Variants in DOCK4 observed in about 807,000 individuals in gnomAD.
DOCK4 encodes the protein dedicator of cytokinesis protein 4.
Under a neutral mutation model 268.1 loss-of-function variants are expected in DOCK4, and 97 were observed. The observed-to-expected ratio is 0.36, with a 90% CI of 0.31 to 0.43. The LOEUF is 0.43. Among genes scored for constraint, DOCK4 ranks in the 20% least tolerant of loss-of-function variants. The probability of loss-of-function intolerance (pLI) is 1.00; values close to 1 mark genes in which losing one functional copy is unlikely to be tolerated. For missense variants in DOCK4, 2,145 were observed against 2,455.7 expected (o/e 0.87, Z 2.67); for synonymous variants, 954 against 887.2 (o/e 1.08, Z -1.34).
rs113921379 is a variant in DOCK4, at chr7:111,978,156, A to G, written c.550-873T>C. Among the ~76,000 whole-genome samples, 658 of 152,352 alleles carry G rather than the reference A, an allele frequency of 4.3e-3. 5 individuals carry two copies. Among genetic ancestry groups the G allele is most frequent in the African/African-American group, 0.015 (617 of 41,582 alleles). Reference sequence around the variant, plus strand: ...CACAGAGCATCTATCTACTAGGGGAAGCAGACATGAACAAAATTGTCACAC... The same window carrying G: ...CACAGAGCATCTATCTACTAGGGGAGGCAGACATGAACAAAATTGTCACAC... On this transcript the variant is annotated intron_variant, in intron 7 of 52. Coordinates refer to ENST00000428084, the MANE Select transcript of DOCK4 (RefSeq NM_001363540.2).
At chr7:111,756,550 A>C (rs200253707) in intron 41 of DOCK4, among the ~76,000 whole-genome samples, 4 of 147,112 alleles carry the variant, frequency 2.7e-5, no homozygotes, top group South Asian at 4.3e-4. Context: ...TTTTAGAGCC[A>C]GGGCTTCCTC....
intron 1 of DOCK4, among the ~76,000 whole-genome samples, chr7:112,145,708 T>C (rs17567022): frequency 1.3e-5 from 2 of 151,926 alleles, no homozygotes; most frequent in Non-Finnish European, 2.9e-5. Context: ...TAGACATACA[T>C]GCACATGAGG....
intron 1 of DOCK4, among the ~76,000 whole-genome samples, chr7:112,141,659 T>A (rs558137603): frequency 1.3e-5 from 2 of 152,326 alleles, no homozygotes; most frequent in African/African-American, 4.8e-5. Flanking sequence ...GATTGATGTA[T>A]AATCCAATCC....
chr7:111,950,734 C>T (rs558698238), intron 8 of DOCK4, among the ~76,000 whole-genome samples: 7 of 152,304 alleles, frequency 4.6e-5, no homozygotes, highest in African/African-American at 1.7e-4. Flanking sequence ...TGATGCCTCA[C>T]GACCTGACTC....
At chr7:111,737,853 G>A (rs1795610617) in intron 49 of DOCK4, among the ~76,000 whole-genome samples, 1 of 152,192 alleles carries the variant, frequency 6.6e-6, no homozygotes, top group Non-Finnish European at 1.5e-5. Context: ...ATCATCAAGT[G>A]ACAAAGGGAA....
intron 1 of DOCK4, among the ~76,000 whole-genome samples, chr7:112,139,036 G>A (rs1027995245): frequency 6.6e-5 from 10 of 152,144 alleles, no homozygotes; most frequent in Admixed American, 4.6e-4. Flanking sequence ...AGAAATAAAT[G>A]TCTGTTTTTT....
chr7:112,104,055 G>A (rs1232142754), intron 1 of DOCK4, among the ~76,000 whole-genome samples: 5 of 152,162 alleles, frequency 3.3e-5, no homozygotes. Flanking sequence ...TATTCCAACA[G>A]GGATAGTAAA....
intron 1 of DOCK4, among the ~76,000 whole-genome samples, chr7:112,186,612 T>A (rs980252822): frequency 1.3e-5 from 2 of 152,226 alleles, no homozygotes; most frequent in Non-Finnish European, 2.9e-5. Flanking sequence ...TATAGTAGTC[T>A]GTATCATCAC....
chr7:111,828,908 G>GTA (rs1378411210), intron 26 of DOCK4, among the ~76,000 whole-genome samples: 1 of 142,586 alleles, frequency 7.0e-6, no homozygotes, highest in East Asian at 2.1e-4. Flanking sequence ...ATATATATAT[G>GTA]TATATATATA....
intron 9 of DOCK4, 74 bp from the exon 10 acceptor site, chr7:111,944,945 A>G: frequency 8.2e-7 from 1 of 1,221,786 alleles, no homozygotes; most frequent in Non-Finnish European, 1.2e-6. Context: ...TTATTTTCAC[A>G]AATAAAAGAA....
chr7:112,169,137 A>G (rs1817859390), intron 1 of DOCK4, among the ~76,000 whole-genome samples: 1 of 152,072 alleles, frequency 6.6e-6, no homozygotes. Context: ...TTTCAAGTCC[A>G]TCCTTCCTTT....
chr7:111,856,959 C>T (rs747938864), intron 23 of DOCK4, among the ~76,000 whole-genome samples: 39 of 152,168 alleles, frequency 2.6e-4, no homozygotes, highest in Non-Finnish European at 4.1e-4. Flanking sequence ...AAAAAAGAAG[C>T]CCTTATTTCT....
intron 13 of DOCK4, among the ~76,000 whole-genome samples, chr7:111,907,958 G>A (rs1293768665): frequency 1.3e-5 from 2 of 152,014 alleles, no homozygotes; most frequent in Non-Finnish European, 2.9e-5. Flanking sequence ...GAACAACTGA[G>A]GTCAAGCAAT....
At chr7:112,096,062 C>T (rs1810098039) in intron 1 of DOCK4, among the ~76,000 whole-genome samples, 1 of 152,076 alleles carries the variant, frequency 6.6e-6, no homozygotes, top group African/African-American at 2.4e-5. Flanking sequence ...GCACTCCAGC[C>T]TGGGCAACAA....
chr7:112,169,924 C>T (rs926626341), intron 1 of DOCK4, among the ~76,000 whole-genome samples: 1 of 152,162 alleles, frequency 6.6e-6, no homozygotes, highest in East Asian at 1.9e-4. Flanking sequence ...GCAACTTCAA[C>T]TAGTTACTAC....
chr7:111,850,583 T>G (rs6966788), intron 23 of DOCK4, among the ~76,000 whole-genome samples: 57,817 of 151,896 alleles, frequency 0.38, 16,257 homozygotes, highest in African/African-American at 0.8. Context: ...AACCACAAAA[T>G]AAGTGAAATT....
chr7:111,840,861 A>G, intron 25 of DOCK4: 1 of 1,350,518 alleles, frequency 7.4e-7, no homozygotes, highest in South Asian at 1.1e-5. Flanking sequence ...CTATTCAGAA[A>G]GCCTGTTCTC....
chr7:112,003,764 C>A (rs915364980), intron 2 of DOCK4, among the ~76,000 whole-genome samples: 1 of 152,164 alleles, frequency 6.6e-6, no homozygotes, highest in African/African-American at 2.4e-5. Flanking sequence ...CTGAGAAAAA[C>A]CTTCTAGTTT....
chr7:111,922,027 T>C (rs1032751565), intron 12 of DOCK4, among the ~76,000 whole-genome samples: 2 of 152,180 alleles, frequency 1.3e-5, no homozygotes, highest in African/African-American at 4.8e-5. Flanking sequence ...GACAAAGACA[T>C]AACTGAGAAA....
Sources: allele counts gnomAD v4.1 joint callset (sites outside exome capture counted in the v4.1 genomes callset), GRCh38; gene constraint gnomAD v4.1.1; transcripts MANE v1.5; gene names NCBI Gene and HGNC (gene_info 2026-07-23, HGNC 2026-07-21).